The following PKNOX2 variants were observed in gnomAD, a reference collection of about 807,000 sequenced individuals.
The protein encoded by PKNOX2 is homeobox protein PKNOX2.
Under a neutral mutation model 53.1 loss-of-function variants are expected in PKNOX2, and 14 were observed. The ratio of observed to expected loss-of-function variants is 0.26; its 90% confidence interval spans 0.17 to 0.41. The LOEUF is 0.41. Ranked by LOEUF, PKNOX2 falls within the 10% of genes least tolerant of loss-of-function variation. The pLI, the probability that PKNOX2 is intolerant of heterozygous loss-of-function variation, is 1.00. For missense variants in PKNOX2, 496 were observed against 602.8 expected (o/e 0.82, Z 1.85); for synonymous variants, 257 against 242.8 (o/e 1.06, Z -0.54).
At chr11:125,168,914 T>C (rs1016243144) in intron 1 of PKNOX2, among the ~76,000 whole-genome samples, 4 of 152,258 alleles carry the variant, frequency 2.6e-5, no homozygotes, top group Admixed American at 6.5e-5. Flanking sequence ...TTGCTATTTA[T>C]TTAGCTTCCC....
intron 4 of PKNOX2, among the ~76,000 whole-genome samples, chr11:125,358,272 G>A (rs1289741501): frequency 6.6e-6 from 1 of 152,166 alleles, no homozygotes; most frequent in Non-Finnish European, 1.5e-5. Flanking sequence ...ACACATAGAT[G>A]TGCACACACA....
At chr11:125,375,416 A>G (rs61002353) in intron 5 of PKNOX2, among the ~76,000 whole-genome samples, 7,564 of 152,246 alleles carry the variant, frequency 0.05, 596 homozygotes, top group African/African-American at 0.16. Flanking sequence ...GGGGGAAGGC[A>G]GATGAAGTGA....
At chr11:125,430,509 C>T (rs1956647761) in intron 12 of PKNOX2, among the ~76,000 whole-genome samples, 1 of 152,150 alleles carries the variant, frequency 6.6e-6, no homozygotes, top group Non-Finnish European at 1.5e-5. Context: ...TGAACAGGGG[C>T]CAGGAAGAGC....
chr11:125,430,901 G>GAA (rs1956670566), intron 12 of PKNOX2, among the ~76,000 whole-genome samples: 1 of 152,248 alleles, frequency 6.6e-6, no homozygotes, highest in Non-Finnish European at 1.5e-5. Flanking sequence ...AGAATTGTTA[G>GAA]AAAGTCAAAA....
intron 2 of PKNOX2, among the ~76,000 whole-genome samples, chr11:125,258,034 T>C (rs762296564): frequency 1.3e-5 from 2 of 152,164 alleles, no homozygotes; most frequent in African/African-American, 2.4e-5. Context: ...TGGCCTTCCC[T>C]GGGGTTTTAG....
At position 125,385,773 on chromosome 11, in the gene PKNOX2, C is replaced by A. The variant is rs2135381149; in HGVS notation, c.399+51C>A. ...GGCTAGAGTCTTCCTACCCTCTGACCCCCTTCAAAATGCCCTAGAAATGAT... is the reference window on the plus strand; with the variant it reads ...GGCTAGAGTCTTCCTACCCTCTGACACCCTTCAAAATGCCCTAGAAATGAT... On this transcript the variant is annotated intron_variant, in intron 6 of 12. Coordinates refer to ENST00000298282, the MANE Select transcript of PKNOX2 (RefSeq NM_001382323.2). 11 of 1,566,492 alleles carry A rather than the reference C, an allele frequency of 7.0e-6. No individual in the cohort carries two copies. In the East Asian group the frequency reaches 1.6e-4, roughly 23 times the overall value.
chr11:125,221,719 T>C (rs966991412), intron 1 of PKNOX2, among the ~76,000 whole-genome samples: 4 of 152,310 alleles, frequency 2.6e-5, no homozygotes, highest in South Asian at 4.2e-4. Context: ...GTCACACAAT[T>C]TGTATGCAAT....
intron 3 of PKNOX2, among the ~76,000 whole-genome samples, chr11:125,334,270 T>A (rs1950309268): frequency 6.6e-6 from 1 of 152,202 alleles, no homozygotes; most frequent in Non-Finnish European, 1.5e-5. Context: ...TGATATCCTC[T>A]GAGGTGGGGA....
chr11:125,199,133 G>A (rs1269354978), intron 1 of PKNOX2, among the ~76,000 whole-genome samples: 2 of 151,972 alleles, frequency 1.3e-5, no homozygotes, highest in Non-Finnish European at 1.5e-5. Context: ...GAGCCCCCAC[G>A]CCCAGCCTTC....
At chr11:125,392,594 G>A (rs1954116628) in intron 6 of PKNOX2, among the ~76,000 whole-genome samples, 1 of 152,180 alleles carries the variant, frequency 6.6e-6, no homozygotes, top group South Asian at 2.1e-4. Context: ...GTTTAAACAT[G>A]CTGTGCGTGT....
chr11:125,167,633 A>G (rs1954993851), intron 1 of PKNOX2, among the ~76,000 whole-genome samples: 2 of 152,238 alleles, frequency 1.3e-5, no homozygotes, highest in Non-Finnish European at 2.9e-5. Flanking sequence ...ATTGCACTGA[A>G]GTATACCCAA....
chr11:125,413,603 C>T (rs1178297820), intron 10 of PKNOX2, among the ~76,000 whole-genome samples: 2 of 152,198 alleles, frequency 1.3e-5, no homozygotes, highest in African/African-American at 4.8e-5. Flanking sequence ...TGCTAGAAAG[C>T]TCATGGGCTT....
At chr11:125,194,291 G>A (rs527752462) in intron 1 of PKNOX2, among the ~76,000 whole-genome samples, 30 of 152,274 alleles carry the variant, frequency 2.0e-4, no homozygotes, top group East Asian at 7.7e-4. Context: ...ACCCCAGGCC[G>A]GCTCCCATTG....
chr11:125,202,155 A>G (rs146566471), intron 1 of PKNOX2, among the ~76,000 whole-genome samples: 54 of 152,302 alleles, frequency 3.5e-4, no homozygotes, highest in African/African-American at 1.2e-3. Flanking sequence ...TTATAAATAC[A>G]TGTTTTTCTT....
chr11:125,247,180 G>C (rs1943625668), intron 2 of PKNOX2, among the ~76,000 whole-genome samples: 1 of 152,154 alleles, frequency 6.6e-6, no homozygotes, highest in African/African-American at 2.4e-5. Context: ...TTCCCGGCAG[G>C]ATTTTGGGCT....
chr11:125,254,994 T>C (rs1354639686), intron 2 of PKNOX2, among the ~76,000 whole-genome samples: 1 of 152,182 alleles, frequency 6.6e-6, no homozygotes, highest in Non-Finnish European at 1.5e-5. Flanking sequence ...CACCCGGCAT[T>C]GTGCTAGATA....
In PKNOX2 at chr11:125,432,924, G is replaced by T. The variant is rs1216839920; in HGVS notation, c.*1532G>T. 1 of 152,656 alleles carries T rather than the reference G, an allele frequency of 6.6e-6. No homozygotes were observed. The highest frequency in any genetic ancestry group is 2.4e-5 in the African/African-American group (1 of 41,456). The allele number at this position is 152,656 out of a possible 1,614,324, so 9.5% of individuals were successfully genotyped here. The stretch of plus-strand genomic sequence containing the variant: ...GCTTCCCCTCCCCCACCTGGTTGGG[G>T]TAGAGCAAAAGGATGGTCACTCTTC... On this transcript the variant is annotated 3_prime_UTR_variant, in exon 13 of 13. Coordinates refer to ENST00000298282, the MANE Select transcript of PKNOX2 (RefSeq NM_001382323.2).
intron 2 of PKNOX2, among the ~76,000 whole-genome samples, chr11:125,236,535 G>A (rs1054405499): frequency 3.3e-5 from 5 of 152,184 alleles, no homozygotes; most frequent in African/African-American, 1.2e-4. Context: ...AGCGTGGGGG[G>A]AAATAGGCCT....
intron 2 of PKNOX2, among the ~76,000 whole-genome samples, chr11:125,285,800 A>T (rs1458005167): frequency 6.6e-6 from 1 of 152,214 alleles, no homozygotes; most frequent in Non-Finnish European, 1.5e-5. Context: ...TCTATTAAAA[A>T]CACAGGTAAT....
Sources: allele counts gnomAD v4.1 joint callset (sites outside exome capture counted in the v4.1 genomes callset), GRCh38; gene constraint gnomAD v4.1.1; transcripts MANE v1.5; gene names NCBI Gene and HGNC (gene_info 2026-07-23, HGNC 2026-07-21).